Variants in SLC35F1 observed in about 807,000 individuals in gnomAD.
SLC35F1 encodes the protein solute carrier family 35 member F1, also known as chromosome 6 open reading frame 169.
SLC35F1 carries 14 observed loss-of-function variants against 48.7 expected under a neutral mutation model. That is an observed-to-expected ratio of 0.29 (90% CI 0.19 to 0.45). SLC35F1 has a LOEUF of 0.45. Among genes scored for constraint, SLC35F1 ranks in the 20% least tolerant of loss-of-function variants. The pLI is 1.00. For synonymous variants in SLC35F1, 190 were observed against 202.2 expected (o/e 0.94, Z 0.51); for missense variants, 404 against 500.0 (o/e 0.81, Z 1.83).
chr6:118,157,189 A>G (rs1009999466), intron 2 of SLC35F1, among the ~76,000 whole-genome samples: 6 of 152,082 alleles, frequency 3.9e-5, no homozygotes, highest in African/African-American at 9.7e-5. Context: ...GGCCCATCCA[A>G]CGCAGGGCTG....
chr6:118,292,616 C>T (rs1776138115), intron 7 of SLC35F1, among the ~76,000 whole-genome samples: 2 of 151,898 alleles, frequency 1.3e-5, no homozygotes, highest in African/African-American at 4.8e-5. Context: ...TAGTTTTTCA[C>T]AGATGTTGCT....
intron 2 of SLC35F1, among the ~76,000 whole-genome samples, chr6:118,197,148 G>A (rs1774813127): frequency 6.6e-6 from 1 of 151,948 alleles, no homozygotes; most frequent in African/African-American, 2.4e-5. Context: ...AAAATTCTAA[G>A]TGTATCTTAG....
chr6:118,165,075 A>C (rs889928372), intron 2 of SLC35F1, among the ~76,000 whole-genome samples: 6 of 152,180 alleles, frequency 3.9e-5, no homozygotes, highest in Non-Finnish European at 8.8e-5. Context: ...CCACCCTTGG[A>C]CTTCTAGGCA....
At chr6:118,184,474 A>G (rs1774628684) in intron 2 of SLC35F1, among the ~76,000 whole-genome samples, 1 of 152,136 alleles carries the variant, frequency 6.6e-6, no homozygotes, top group African/African-American at 2.4e-5. Context: ...TAAGCAACCA[A>G]TGCCCTAACT....
rs1387307636 is a variant in SLC35F1, at chr6:118,317,440, A to G, written c.*3188A>G. The G allele has an allele frequency of 6.6e-6, 1 of 152,104 alleles. No homozygotes were observed. Among genetic ancestry groups the G allele is most frequent in the East Asian group, 1.9e-4 (1 of 5,196 alleles). The allele number at this position is 152,104 out of a possible 1,614,324, so 9.4% of individuals were successfully genotyped here. On this transcript the variant is annotated 3_prime_UTR_variant, in exon 8 of 8. Transcript: ENST00000360388. ...TATAACTATTTAGTAGTCCCCAGCT[A>G]GCTACCAGTACAGATTTTACCCCAT...
intron 1 of SLC35F1, among the ~76,000 whole-genome samples, chr6:118,111,437 G>A (rs1365099664): frequency 6.6e-6 from 1 of 152,092 alleles, no homozygotes; most frequent in Middle Eastern, 3.2e-3. Context: ...AAAATAGAGG[G>A]AAGTATTTAA....
intron 1 of SLC35F1, among the ~76,000 whole-genome samples, chr6:118,050,573 A>G (rs1472326752): frequency 1.3e-5 from 2 of 152,044 alleles, no homozygotes; most frequent in Admixed American, 1.3e-4. Context: ...AGGCAAAGCA[A>G]AAAGGAGAGA....
At position 118,201,053 on chromosome 6, in the gene SLC35F1, A is replaced by G. The variant is rs961873132; in HGVS notation, c.350-34456A>G. ...CAGCCCCCCAAGTAGCTGGGACTAC[A>G]GGTGCATGCCACCATGCCCAGCTAA... On this transcript the variant is annotated intron_variant, in intron 2 of 7. Coordinates refer to ENST00000360388, the MANE Select transcript of SLC35F1 (RefSeq NM_001029858.4). Among the ~76,000 whole-genome samples the G allele has an allele frequency of 2.0e-5, 3 of 152,258 alleles. No individual in the cohort carries two copies. The South Asian group carries it at 6.2e-4, about 32-fold the overall frequency.
intron 2 of SLC35F1, among the ~76,000 whole-genome samples, chr6:118,206,024 G>A (rs1582729179): frequency 6.6e-6 from 1 of 152,212 alleles, no homozygotes; most frequent in Non-Finnish European, 1.5e-5. Flanking sequence ...TACAGTGTTT[G>A]TGCTGGGGAT....
chr6:118,052,233 C>T (rs1772401997), intron 1 of SLC35F1, among the ~76,000 whole-genome samples: 1 of 152,266 alleles, frequency 6.6e-6, no homozygotes, highest in African/African-American at 2.4e-5. Flanking sequence ...CATCTGTAAA[C>T]AACTCACCAT....
At chr6:118,186,406 A>C (rs1753383381) in intron 2 of SLC35F1, among the ~76,000 whole-genome samples, 1 of 148,958 alleles carries the variant, frequency 6.7e-6, no homozygotes, top group Admixed American at 6.8e-5. Context: ...TCAGGTGCAC[A>C]GTTCCAGGGT....
intron 7 of SLC35F1, among the ~76,000 whole-genome samples, chr6:118,298,646 A>G (rs746799136): frequency 6.6e-6 from 1 of 152,212 alleles, no homozygotes; most frequent in South Asian, 2.1e-4. Context: ...GTTAATCTCC[A>G]GAGTCAGCCA....
chr6:118,194,012 G>T lies in SLC35F1; in HGVS notation c.349+39392G>T, dbSNP rs1774768372. Among the ~76,000 whole-genome samples, 4 of 152,148 alleles carry T rather than the reference G, an allele frequency of 2.6e-5. No homozygotes were observed. In the South Asian group the frequency reaches 8.3e-4, roughly 32 times the overall value. On this transcript the variant is annotated intron_variant, in intron 2 of 7. Transcript: ENST00000360388. Reference sequence around the variant, plus strand: ...TTTTTATTTTTCTTTCAAAATATTTGATTTAAGCACTTATTTTTAAGCCAA... The same window carrying T: ...TTTTTATTTTTCTTTCAAAATATTTTATTTAAGCACTTATTTTTAAGCCAA...
chr6:118,050,496 T>C (rs1582639123), intron 1 of SLC35F1, among the ~76,000 whole-genome samples: 1 of 151,864 alleles, frequency 6.6e-6, no homozygotes, highest in South Asian at 2.1e-4. Flanking sequence ...ACTTTGACTG[T>C]GAGAAAGAGG....
chr6:118,149,626 G>T (rs1220463233), intron 1 of SLC35F1, among the ~76,000 whole-genome samples: 1 of 152,136 alleles, frequency 6.6e-6, no homozygotes, highest in Non-Finnish European at 1.5e-5. Flanking sequence ...CTGATAAAAG[G>T]TTCCTTTCAT....
chr6:117,931,241 G>A (rs1776097778), intron 1 of SLC35F1, among the ~76,000 whole-genome samples: 1 of 152,042 alleles, frequency 6.6e-6, no homozygotes, highest in Non-Finnish European at 1.5e-5. Flanking sequence ...CAAAAATAAA[G>A]AAATATCTTT....
At chr6:118,203,465 T>C (rs975381127) in intron 2 of SLC35F1, among the ~76,000 whole-genome samples, 1 of 152,240 alleles carries the variant, frequency 6.6e-6, no homozygotes, top group Non-Finnish European at 1.5e-5. Context: ...CTGTAGTCTC[T>C]TTCTATTATT....
chr6:118,051,194 T>A (rs183826461), intron 1 of SLC35F1, among the ~76,000 whole-genome samples: 1 of 152,190 alleles, frequency 6.6e-6, no homozygotes, highest in South Asian at 2.1e-4. Flanking sequence ...ACTTTTACCA[T>A]TTATCAAGCA....
intron 1 of SLC35F1, among the ~76,000 whole-genome samples, chr6:118,094,067 G>T (rs765957396): frequency 3.3e-5 from 5 of 152,114 alleles, no homozygotes; most frequent in Non-Finnish European, 7.4e-5. Flanking sequence ...TTGCAGGGTG[G>T]GTTTTTATCC....
Sources: gnomAD v4.1 joint callset for allele counts (sites outside exome capture counted in the v4.1 genomes callset) on GRCh38, gnomAD v4.1.1 for gene constraint, MANE v1.5 for transcripts, NCBI Gene and HGNC (gene_info 2026-07-23, HGNC 2026-07-21) for gene names.